Variants in MIPOL1 observed in about 807,000 individuals in gnomAD.
MIPOL1 encodes the protein mirror-image polydactyly 1.
MIPOL1 carries 57 observed loss-of-function variants against 60.9 expected under a neutral mutation model. That is an observed-to-expected ratio of 0.94 (90% CI 0.76 to 1.17). The LOEUF is 1.17. MIPOL1 is among the 50% of genes most tolerant of loss of function. The pLI is 0.00. For missense variants in MIPOL1, 551 were observed against 511.6 expected, an observed-to-expected ratio of 1.08 and a Z score of -0.74; for synonymous variants, 179 against 168.8, an observed-to-expected ratio of 1.06 and a Z score of -0.47.
intron 1 of MIPOL1, among the ~76,000 whole-genome samples, chr14:37,199,142 AC>A (rs1023754151): frequency 1.3e-5 from 2 of 152,224 alleles, no homozygotes; most frequent in Non-Finnish European, 2.9e-5. Context: ...ATAAAGACAT[AC>A]AGAAAAGTGC....
intron 7 of MIPOL1, among the ~76,000 whole-genome samples, chr14:37,303,411 C>CA (rs1187607628): frequency 6.6e-6 from 1 of 151,842 alleles, no homozygotes; most frequent in South Asian, 2.1e-4. Context: ...ATATCCAAGC[C>CA]AAAACTTCTT....
intron 3 of MIPOL1, among the ~76,000 whole-genome samples, chr14:37,260,750 A>G (rs2082466811): frequency 1.3e-5 from 2 of 152,114 alleles, no homozygotes; most frequent in Non-Finnish European, 2.9e-5. Context: ...AAGCCCTGAG[A>G]GAGCTAGTAT....
intron 3 of MIPOL1, among the ~76,000 whole-genome samples, chr14:37,258,640 T>A (rs1314772822): frequency 6.6e-6 from 1 of 152,162 alleles, no homozygotes; most frequent in Non-Finnish European, 1.5e-5. Context: ...GTTAATTATA[T>A]AGCCTAAGCT....
At chr14:37,306,528 A>C (rs1381257764) in intron 7 of MIPOL1, among the ~76,000 whole-genome samples, 1 of 151,840 alleles carries the variant, frequency 6.6e-6, no homozygotes, top group Non-Finnish European at 1.5e-5. Flanking sequence ...GGTAGCAGCC[A>C]TAATTAGATC....
chr14:37,272,781 G>A lies in MIPOL1; in HGVS notation c.493+2256G>A, dbSNP rs952305583. 6.6e-5 allele frequency among the ~76,000 whole-genome samples: 10 copies of A among 151,350 alleles called. No individual in the cohort carries two copies. In the East Asian group the frequency reaches 1.2e-3, roughly 18 times the overall value. On this transcript the variant is annotated intron_variant, in intron 6 of 12. Transcript: ENST00000684589. ...ATTTGGCAAAATATGTTATAAGCAC[G>A]CACACATACATAAGTATTATAACGT...
At chr14:37,365,367 G>A (rs1424702302) in intron 9 of MIPOL1, among the ~76,000 whole-genome samples, 1 of 152,012 alleles carries the variant, frequency 6.6e-6, no homozygotes, top group African/African-American at 2.4e-5. Context: ...CTTTTATTAT[G>A]TTAATGTACA....
chr14:37,299,777 A>T (rs927455205), intron 7 of MIPOL1, among the ~76,000 whole-genome samples: 1 of 152,022 alleles, frequency 6.6e-6, no homozygotes, highest in Admixed American at 6.6e-5. Flanking sequence ...ACTAAACTGT[A>T]TACTTTCTTT....
At position 37,407,975 on chromosome 14, in the gene MIPOL1, G is replaced by A. The variant is rs1176202486; in HGVS notation, c.937-14880G>A. On this transcript the variant is annotated intron_variant, in intron 10 of 12. Transcript: ENST00000684589. The stretch of plus-strand genomic sequence containing the variant: ...AGCAGTACTCCTGCCTCAGCCTCCT[G>A]TGGAACTGAAACTACAGGTGTGCAC... 2.0e-5 allele frequency among the ~76,000 whole-genome samples: 3 copies of A among 148,120 alleles called. No individual in the cohort carries two copies. The East Asian group carries it at 6.0e-4, about 30-fold the overall frequency.
At chr14:37,201,090 A>G (rs1018464547) in intron 1 of MIPOL1, among the ~76,000 whole-genome samples, 2 of 151,176 alleles carry the variant, frequency 1.3e-5, no homozygotes, top group African/African-American at 2.4e-5. Flanking sequence ...TTTTTTGTGG[A>G]GATGGGGTTT....
intron 12 of MIPOL1, chr14:37,504,467 CAACT>C (rs2153616603): frequency 6.6e-6 from 1 of 152,308 alleles, no homozygotes; most frequent in African/African-American, 2.4e-5. Context: ...CAAAACTGAA[CAACT>C]ACGTGGAAAC....
At chr14:37,300,177 ATACTC>A (rs2086246206) in intron 7 of MIPOL1, among the ~76,000 whole-genome samples, 1 of 150,974 alleles carries the variant, frequency 6.6e-6, no homozygotes, top group African/African-American at 2.4e-5. Context: ...TCCTTTGTTC[ATACTC>A]TACTCTTTGG....
At chr14:37,369,828 T>G (rs1387168969) in intron 10 of MIPOL1, 1 of 312,942 alleles carries the variant, frequency 3.2e-6, no homozygotes, top group African/African-American at 2.1e-5. Context: ...ACAACACATT[T>G]TCTGAATTTT....
chr14:37,517,835 C>A (rs1330396611), intron 12 of MIPOL1, among the ~76,000 whole-genome samples: 2 of 152,196 alleles, frequency 1.3e-5, no homozygotes, highest in African/African-American at 2.4e-5. Context: ...CAGCCAGAAA[C>A]TAAAATGATT....
intron 11 of MIPOL1, among the ~76,000 whole-genome samples, chr14:37,498,279 A>G (rs1230417358): frequency 6.6e-6 from 1 of 152,226 alleles, no homozygotes; most frequent in Non-Finnish European, 1.5e-5. Flanking sequence ...TTCAAGCTGA[A>G]TACTTTGTAT....
chr14:37,236,226 C>T (rs975985071), intron 1 of MIPOL1, among the ~76,000 whole-genome samples: 2 of 151,950 alleles, frequency 1.3e-5, no homozygotes, highest in African/African-American at 4.8e-5. Flanking sequence ...CGCGCCTGGC[C>T]TCAATTTTTT....
chr14:37,397,337 C>G (rs962555332), intron 10 of MIPOL1, among the ~76,000 whole-genome samples: 4 of 150,010 alleles, frequency 2.7e-5, no homozygotes, highest in Admixed American at 2.0e-4. Flanking sequence ...GTCTATAGGT[C>G]TCTCAGTCCT....
At chr14:37,359,465 G>A (rs1411666578) in intron 9 of MIPOL1, among the ~76,000 whole-genome samples, 1 of 152,176 alleles carries the variant, frequency 6.6e-6, no homozygotes, top group Non-Finnish European at 1.5e-5. Context: ...TTCTATCCAT[G>A]AGCATAGAAT....
chr14:37,310,188 T>G (rs1287872162), intron 9 of MIPOL1, among the ~76,000 whole-genome samples: 1 of 5,820 alleles, frequency 1.7e-4, no homozygotes, highest in Admixed American at 3.4e-3. Context: ...AAAATCTATT[T>G]AAATGAATCT....
intron 7 of MIPOL1, among the ~76,000 whole-genome samples, chr14:37,299,738 G>A (rs1423624813): frequency 1.3e-5 from 2 of 152,056 alleles, no homozygotes; most frequent in Non-Finnish European, 2.9e-5. Context: ...TTGTCACGGG[G>A]AGAATTCAGT....
Sources: allele counts gnomAD v4.1 joint callset (sites outside exome capture counted in the v4.1 genomes callset), GRCh38; gene constraint gnomAD v4.1.1; transcripts MANE v1.5; gene names NCBI Gene and HGNC (gene_info 2026-07-23, HGNC 2026-07-21).